Variants in AKAP13 observed in about 807,000 individuals in gnomAD.
AKAP13 encodes the protein A-kinase anchor protein 13.
AKAP13 carries 80 observed loss-of-function variants against 264.5 expected under a neutral mutation model. The ratio of observed to expected loss-of-function variants is 0.30; its 90% CI spans 0.25 to 0.36. AKAP13 has a LOEUF of 0.36. Ranked by LOEUF, AKAP13 falls within the 10% of genes least tolerant of loss-of-function variation. The probability of loss-of-function intolerance (pLI) is 1.00; values close to 1 mark genes in which losing one functional copy is unlikely to be tolerated. For missense variants in AKAP13, 3,712 were observed against 3,435.2 expected, an observed-to-expected ratio of 1.08 and a Z score of -2.01; for synonymous variants, 1,380 against 1,250.2, an observed-to-expected ratio of 1.10 and a Z score of -2.19.
intron 1 of AKAP13, among the ~76,000 whole-genome samples, chr15:85,426,950 G>GT (rs1231055882): frequency 1.1e-4 from 14 of 128,472 alleles, no homozygotes; most frequent in Middle Eastern, 4.5e-3. Flanking sequence ...GTATTGTTTT[G>GT]TTTTGTTTTT....
chr15:85,565,496 A>C (rs2078573795), intron 5 of AKAP13, among the ~76,000 whole-genome samples: 1 of 152,208 alleles, frequency 6.6e-6, no homozygotes, highest in Admixed American at 6.5e-5. Context: ...TAAATTTTAG[A>C]TACCCAGCCA....
chr15:85,464,196 A>G (rs2074636741), intron 1 of AKAP13, among the ~76,000 whole-genome samples: 1 of 152,108 alleles, frequency 6.6e-6, no homozygotes, highest in African/African-American at 2.4e-5. Context: ...AAATACTGAA[A>G]TATCTCCCTT....
chr15:85,414,068 A>G (rs1387804617), intron 1 of AKAP13, among the ~76,000 whole-genome samples: 1 of 152,196 alleles, frequency 6.6e-6, no homozygotes, highest in Non-Finnish European at 1.5e-5. Context: ...AAAAAGGTGT[A>G]ACTCTTTTTA....
At chr15:85,458,365 TTC>T (rs1411793620) in intron 1 of AKAP13, among the ~76,000 whole-genome samples, 1 of 149,772 alleles carries the variant, frequency 6.7e-6, no homozygotes, top group Non-Finnish European at 1.5e-5. Flanking sequence ...CTTTCTTTTT[TTC>T]TCTTTTTTTG....
At chr15:85,486,671 A>C (rs2075557963) in intron 2 of AKAP13, among the ~76,000 whole-genome samples, 1 of 151,388 alleles carries the variant, frequency 6.6e-6, no homozygotes, top group South Asian at 2.1e-4. Flanking sequence ...TACTTCCTTG[A>C]AATTTGTTGC....
intron 1 of AKAP13, among the ~76,000 whole-genome samples, chr15:85,467,148 G>C (rs2074773385): frequency 6.6e-6 from 1 of 151,488 alleles, no homozygotes; most frequent in Non-Finnish European, 1.5e-5. Context: ...AACAATCTTG[G>C]CACCCATTTT....
chr15:85,455,497 CTCTT>C (rs1420788370), intron 1 of AKAP13, among the ~76,000 whole-genome samples: 1 of 152,026 alleles, frequency 6.6e-6, no homozygotes, highest in Non-Finnish European at 1.5e-5. Context: ...TTTAGTCACA[CTCTT>C]TATACTTATA....
chr15:85,499,977 T>A (rs1481050298), intron 2 of AKAP13, among the ~76,000 whole-genome samples: 1 of 152,222 alleles, frequency 6.6e-6, no homozygotes, highest in Non-Finnish European at 1.5e-5. Flanking sequence ...TGTTTTTTAT[T>A]GTTTCCAAGT....
chr15:85,493,328 A>G (rs1212911569), intron 2 of AKAP13, among the ~76,000 whole-genome samples: 1 of 152,240 alleles, frequency 6.6e-6, no homozygotes, highest in Non-Finnish European at 1.5e-5. Flanking sequence ...TCATTTTGAC[A>G]GAGCTACTTT....
At chr15:85,506,210 T>C (rs2076216870) in intron 2 of AKAP13, among the ~76,000 whole-genome samples, 1 of 152,080 alleles carries the variant, frequency 6.6e-6, no homozygotes, top group South Asian at 2.1e-4. Context: ...CTTGAACCCA[T>C]GAAGTGGAGG....
chr15:85,708,711 C>T lies in AKAP13; in HGVS notation c.5532+625C>T, dbSNP rs1052862150. The stretch of plus-strand genomic sequence containing the variant: ...CCTTTTAGGTAGCCTGTGAGGTTTT[C>T]AATGTTCTAGTCGCCTGTAAGTGTC... On this transcript the variant is annotated intron_variant, in intron 18 of 36. Coordinates refer to ENST00000394518, the MANE Select transcript of AKAP13 (RefSeq NM_007200.5). This position sits in a 1 kb window ranked among gnomAD's most constrained non-coding sequence, Gnocchi z 4.3. Among the ~76,000 whole-genome samples the T allele has an allele frequency of 2.0e-5, 3 of 152,128 alleles. No individual in the cohort carries two copies. The highest frequency in any genetic ancestry group is 4.4e-5 in the Non-Finnish European group (3 of 68,016).
At chr15:85,719,468 C>G in intron 23 of AKAP13, 142 bp downstream of exon 23, 1 of 1,176,360 alleles carries the variant, frequency 8.5e-7, no homozygotes, top group Non-Finnish European at 1.2e-6. Context: ...TCTCTGGAGC[C>G]TTGATTTCCT....
chr15:85,613,713 T>TATATATATATGTATGTATA (rs1254657975), intron 8 of AKAP13, among the ~76,000 whole-genome samples: 1 of 111,016 alleles, frequency 9.0e-6, no homozygotes, highest in African/African-American at 3.4e-5. Flanking sequence ...TATATATATA[T>TATATATATATGTATGTATA]TAGGAGTGCT....
chr15:85,421,282 G>A (rs1462380800), intron 1 of AKAP13, among the ~76,000 whole-genome samples: 1 of 152,242 alleles, frequency 6.6e-6, no homozygotes, highest in Admixed American at 6.5e-5. Context: ...ACTAAAAATA[G>A]ATGGAAGCTT....
chr15:85,475,300 C>T (rs1204025431), intron 1 of AKAP13, among the ~76,000 whole-genome samples: 1 of 152,192 alleles, frequency 6.6e-6, no homozygotes, highest in African/African-American at 2.4e-5. Context: ...CCTTCCTCTC[C>T]TGTGTCTGGA....
intron 4 of AKAP13, among the ~76,000 whole-genome samples, chr15:85,541,108 T>A (rs546754802): frequency 6.6e-6 from 1 of 152,308 alleles, no homozygotes; most frequent in East Asian, 1.9e-4. Flanking sequence ...TGGTACAGAT[T>A]TGGGTTCACG....
intron 35 of AKAP13, among the ~76,000 whole-genome samples, chr15:85,743,219 G>C (rs1279627092): frequency 1.3e-5 from 2 of 152,034 alleles, no homozygotes; most frequent in Admixed American, 1.3e-4. Flanking sequence ...AGGTACTATT[G>C]GTTTTTTACA....
In AKAP13 at chr15:85,645,009, A is replaced by G. The variant is rs1030471520; in HGVS notation, c.4238-809A>G. Among the ~76,000 whole-genome samples the G allele has an allele frequency of 2.6e-5, 4 of 152,294 alleles. No homozygotes were observed. In the East Asian group the frequency reaches 7.7e-4, roughly 29 times the overall value. On this transcript the variant is annotated intron_variant, in intron 9 of 36. Transcript: ENST00000394518. ...GTGGCGTGTGCCTGCATTCTCAGCT[A>G]CTTGGGAGGCTAAGGTGTGAGGATT...
At chr15:85,495,259 G>A (rs955036290) in intron 2 of AKAP13, among the ~76,000 whole-genome samples, 2 of 152,064 alleles carry the variant, frequency 1.3e-5, no homozygotes, top group Non-Finnish European at 1.5e-5. Context: ...TGCTTTTTCT[G>A]TGTTAGAATA....
Sources: gnomAD v4.1 joint callset for allele counts (sites outside exome capture counted in the v4.1 genomes callset) on GRCh38, gnomAD v4.1.1 for gene constraint, Gnocchi (gnomAD v3.1) non-coding constraint, MANE v1.5 for transcripts, NCBI Gene and HGNC (gene_info 2026-07-23, HGNC 2026-07-21) for gene names.